The following RBPJ variants were observed in gnomAD, a reference collection of about 807,000 sequenced individuals.
RBPJ encodes recombination signal binding protein for immunoglobulin kappa J region.
A neutral mutation model predicts 67.8 loss-of-function variants in RBPJ; 9 were observed. The ratio of observed to expected loss-of-function variants is 0.13; its 90% CI spans 0.08 to 0.23. The LOEUF is 0.23. Among genes scored for constraint, RBPJ ranks in the 10% least tolerant of loss-of-function variants. RBPJ has a pLI of 1.00. For synonymous variants in RBPJ, 198 were observed against 203.3 expected (o/e 0.97, Z 0.22); for missense variants, 305 against 595.6 (o/e 0.51, Z 5.08).
chr4:26,422,704 ACT>A (rs1031309065), intron 5 of RBPJ, among the ~76,000 whole-genome samples: 17 of 152,166 alleles, frequency 1.1e-4, no homozygotes, highest in Non-Finnish European at 1.6e-4. Flanking sequence ...AATTTCAAAC[ACT>A]CTCAAGTAGA....
chr4:26,117,138 G>A, the RBPJ span, among the ~76,000 whole-genome samples: 2 of 152,066 alleles, frequency 1.3e-5, no homozygotes, highest in Non-Finnish European at 2.9e-5. Context: ...TTAAGTGAAG[G>A]GCTATCAACG....
intron 1 of RBPJ, among the ~76,000 whole-genome samples, chr4:26,178,607 C>CA (rs1173498137): frequency 0.44 from 25,554 of 58,712 alleles, 5,159 homozygotes; most frequent in Non-Finnish European, 0.52. Context: ...GACCCCGTAT[C>CA]AAAAAAAAAA....
intron 1 of RBPJ, among the ~76,000 whole-genome samples, chr4:26,172,678 C>T (rs1300912737): frequency 6.6e-6 from 1 of 152,186 alleles, no homozygotes; most frequent in African/African-American, 2.4e-5. Context: ...GCTGTGAAGA[C>T]AAACTGGACT....
upstream of RBPJ, chr4:26,319,782 C>G: frequency 1.6e-6 from 2 of 1,255,986 alleles, no homozygotes; most frequent in Non-Finnish European, 1.2e-6. Flanking sequence ...TTTCGGGCGG[C>G]GAATTCCAGT....
Position 26,424,264 on chromosome 4 carries a change from C to A in RBPJ, c.497-78C>A. 1 of 1,356,064 alleles carries A rather than the reference C, an allele frequency of 7.4e-7. No homozygotes were observed. The highest frequency in any genetic ancestry group is 1.2e-5 in the South Asian group (1 of 80,268). The allele number at this position is 1,356,064 out of a possible 1,614,324, so 84.0% of individuals were successfully genotyped here. ...ATAAGAAAGAATAATTATACACTGC[C>A]AAGCAGAATTTCCTTCTTTTGCTCC... On this transcript the variant is annotated intron_variant, in intron 5 of 10. Transcript: ENST00000355476. The surrounding 1 kb of genome is among the most constrained non-coding windows in gnomAD (Gnocchi z 5.3).
At chr4:26,225,539 T>G (rs1180002261) in intron 1 of RBPJ, among the ~76,000 whole-genome samples, 1 of 152,140 alleles carries the variant, frequency 6.6e-6, no homozygotes, top group African/African-American at 2.4e-5. Context: ...TGTGACATTA[T>G]GCATTTGTCA....
intron 1 of RBPJ, among the ~76,000 whole-genome samples, chr4:26,204,896 A>G (rs1718115793): frequency 6.6e-6 from 1 of 152,182 alleles, no homozygotes; most frequent in Non-Finnish European, 1.5e-5. Flanking sequence ...TGGGCTAAAT[A>G]TAGTCTCACC....
intron 2 of RBPJ, among the ~76,000 whole-genome samples, chr4:26,390,203 G>T (rs764609481): frequency 1.8e-4 from 27 of 152,080 alleles, no homozygotes; most frequent in Non-Finnish European, 2.9e-4. Context: ...AAAAGCTTTT[G>T]ACATCCATTT....
chr4:26,335,815 G>C (rs1001093907), intron 1 of RBPJ, among the ~76,000 whole-genome samples: 1 of 151,296 alleles, frequency 6.6e-6, no homozygotes, highest in Non-Finnish European at 1.5e-5. Context: ...AGTAGAGATG[G>C]GGTTTCACTG....
chr4:26,214,986 G>A (rs181920672), intron 1 of RBPJ, among the ~76,000 whole-genome samples: 16 of 34,360 alleles, frequency 4.7e-4, no homozygotes, highest in African/African-American at 1.9e-3. Flanking sequence ...GAAGGAAGGA[G>A]GGAGGGAGGG....
chr4:26,119,877 T>A, the RBPJ span, among the ~76,000 whole-genome samples: 88 of 152,360 alleles, frequency 5.8e-4, no homozygotes, highest in Non-Finnish European at 1.6e-4. Context: ...TCATAGCTTA[T>A]AGATAAAATA....
At chr4:26,177,819 T>G (rs915727178) in intron 1 of RBPJ, among the ~76,000 whole-genome samples, 24 of 152,348 alleles carry the variant, frequency 1.6e-4, no homozygotes, top group African/African-American at 5.8e-4. Context: ...AATGCCATCA[T>G]GCAGGGATAT....
At chr4:26,184,279 A>T (rs1220525794) in intron 1 of RBPJ, among the ~76,000 whole-genome samples, 2 of 152,058 alleles carry the variant, frequency 1.3e-5, no homozygotes, top group Non-Finnish European at 2.9e-5. Context: ...GCCCGTGGCC[A>T]TAGGTACAGG....
chr4:26,149,346 G>A, the RBPJ span, among the ~76,000 whole-genome samples: 1 of 152,194 alleles, frequency 6.6e-6, no homozygotes, highest in African/African-American at 2.4e-5. Flanking sequence ...CCTGCCTCTG[G>A]TCAAGTGAGA....
At chr4:26,115,262 C>T in the RBPJ span, among the ~76,000 whole-genome samples, 19 of 152,316 alleles carry the variant, frequency 1.2e-4, no homozygotes, top group African/African-American at 4.3e-4. Flanking sequence ...AAATGCCTAT[C>T]GTCATTACCG....
At chr4:26,130,341 C>T in the RBPJ span, among the ~76,000 whole-genome samples, 1 of 152,208 alleles carries the variant, frequency 6.6e-6, no homozygotes, top group Non-Finnish European at 1.5e-5. Flanking sequence ...TACATCTTCT[C>T]ACTATGAGTA....
upstream of RBPJ, among the ~76,000 whole-genome samples, chr4:26,319,254 G>GGCTCT (rs1363624263): frequency 1.3e-5 from 2 of 152,098 alleles, no homozygotes; most frequent in African/African-American, 2.4e-5. Context: ...TCCTGCCCTA[G>GGCTCT]AGCCTGACCT....
At chr4:26,201,699 C>A (rs1207622671) in intron 1 of RBPJ, among the ~76,000 whole-genome samples, 1 of 152,130 alleles carries the variant, frequency 6.6e-6, no homozygotes, top group Non-Finnish European at 1.5e-5. Context: ...TCTGTCATAC[C>A]CTGCAGTGCA....
At chr4:26,191,677 C>T (rs1167107364) in intron 1 of RBPJ, among the ~76,000 whole-genome samples, 1 of 152,186 alleles carries the variant, frequency 6.6e-6, no homozygotes, top group African/African-American at 2.4e-5. Flanking sequence ...CGGGAGACTA[C>T]ATGTATAAAA....
Sources: allele counts gnomAD v4.1 joint callset (sites outside exome capture counted in the v4.1 genomes callset), GRCh38; gene constraint gnomAD v4.1.1; non-coding constraint Gnocchi (gnomAD v3.1); transcripts MANE v1.5; gene names NCBI Gene and HGNC (gene_info 2026-07-23, HGNC 2026-07-21).